Variants in CCSER2 observed in about 807,000 individuals in gnomAD.
CCSER2 encodes coiled-coil serine rich protein 2.
In CCSER2, 46 loss-of-function variants were observed where a neutral mutation model predicts 92.3. The ratio of observed to expected loss-of-function variants is 0.50; its 90% CI spans 0.39 to 0.64. CCSER2 has a LOEUF of 0.64. CCSER2 is among the 30% of genes least tolerant of loss of function. CCSER2 has a pLI of 0.00. For missense variants in CCSER2, 1,244 were observed against 1,238.9 expected (o/e 1.00, Z -0.06); for synonymous variants, 433 against 431.4 (o/e 1.00, Z -0.04).
chr10:84,473,525 T>C (rs1846943567), intron 8 of CCSER2, among the ~76,000 whole-genome samples: 1 of 152,172 alleles, frequency 6.6e-6, no homozygotes, highest in Non-Finnish European at 1.5e-5. Flanking sequence ...AGTATCCTTT[T>C]TATAGTAGAA....
chr10:84,411,310 A>G (rs920101597), intron 3 of CCSER2, among the ~76,000 whole-genome samples: 8 of 152,066 alleles, frequency 5.3e-5, no homozygotes, highest in African/African-American at 1.9e-4. Flanking sequence ...TATGAATTTT[A>G]AAATAGTTTT....
Position 84,459,804 on chromosome 10 carries a change from A to G in CCSER2, c.2065-4129A>G, listed in dbSNP as rs1227279697. 5.3e-5 allele frequency among the ~76,000 whole-genome samples: 8 copies of G among 152,224 alleles called. No individual in the cohort carries two copies. In the East Asian group the frequency reaches 1.5e-3, roughly 29 times the overall value. ...CACCCAAAGTACTGGGGTTACAGGC[A>G]TGAGCCACCATGCCTGGTGGGTTTT... On this transcript the variant is annotated intron_variant, in intron 6 of 9. Coordinates refer to ENST00000372088, the MANE Select transcript of CCSER2 (RefSeq NM_001284240.2).
intron 9 of CCSER2, among the ~76,000 whole-genome samples, chr10:84,505,575 A>G (rs1173103054): frequency 1.3e-5 from 2 of 152,242 alleles, no homozygotes; most frequent in African/African-American, 4.8e-5. Flanking sequence ...TTTGAATGAA[A>G]TGCAAACTAG....
Position 84,372,146 on chromosome 10 carries a change from A to C in CCSER2, c.1094A>C (p.Gln365Pro), listed in dbSNP as rs1846095795. The C allele has an allele frequency of 6.2e-7, 1 of 1,613,576 alleles. No homozygotes were observed. The highest frequency in any genetic ancestry group is 8.5e-7 in the Non-Finnish European group (1 of 1,179,782). Reference sequence around the variant, plus strand: ...AAGGACAGAGCTGCTAATAAGGACCAAGAACTGATTGAAAATGAAAGTTAT... The same window carrying C: ...AAGGACAGAGCTGCTAATAAGGACCCAGAACTGATTGAAAATGAAAGTTAT... ...LAKDRAANKD[Q>P]ELIENESYRT... Residue 365 changes from glutamine to proline, a missense_variant, in exon 2 of 10, where the codon CAA (glutamine) becomes CCA (proline). Transcript: ENST00000372088.
chr10:84,371,121 A>G lies in CCSER2; in HGVS notation c.69A>G (p.Val23=). 2 of 1,611,568 alleles carry G rather than the reference A, an allele frequency of 1.2e-6. No individual in the cohort carries two copies. Among genetic ancestry groups the G allele is most frequent in the Non-Finnish European group, 1.7e-6 (2 of 1,179,290 alleles). The change falls in exon 2 of 10, where the codon GTA becomes GTG. Residue 23 remains valine, a synonymous_variant. Coordinates refer to ENST00000372088, the MANE Select transcript of CCSER2 (RefSeq NM_001284240.2). ...TGCCAAAGTATGGAACAAAATCTGTAAGAAGTACATTGCAGCCAATGCCAA... is the reference window on the plus strand; with the variant it reads ...TGCCAAAGTATGGAACAAAATCTGTGAGAAGTACATTGCAGCCAATGCCAA... ...SKLPKYGTKS[V]RSTLQPMPNG...
chr10:84,460,025 G>GATCAA (rs1427859233), intron 6 of CCSER2, among the ~76,000 whole-genome samples: 1 of 151,428 alleles, frequency 6.6e-6, no homozygotes, highest in Non-Finnish European at 1.5e-5. Flanking sequence ...GCATTGGTGG[G>GATCAA]ATCAACCTCA....
intron 4 of CCSER2, among the ~76,000 whole-genome samples, chr10:84,421,958 C>G (rs1843174235): frequency 1.3e-5 from 2 of 152,244 alleles, no homozygotes; most frequent in East Asian, 3.9e-4. Context: ...TGTTCAGATT[C>G]TCTGTAGTAT....
intron 3 of CCSER2, among the ~76,000 whole-genome samples, chr10:84,397,580 A>G (rs1192049086): frequency 6.6e-6 from 1 of 150,640 alleles, no homozygotes; most frequent in Non-Finnish European, 1.5e-5. Flanking sequence ...TTTATTAAAT[A>G]TATATGTTAA....
chr10:84,472,070 C>T (rs879735598), intron 8 of CCSER2, among the ~76,000 whole-genome samples: 9 of 151,464 alleles, frequency 5.9e-5, no homozygotes, highest in East Asian at 3.9e-4. Flanking sequence ...AAAAAAAAGA[C>T]GAAGTAGAAA....
chr10:84,347,335 A>G (rs1844548066), intron 1 of CCSER2, among the ~76,000 whole-genome samples: 1 of 151,834 alleles, frequency 6.6e-6, no homozygotes, highest in Admixed American at 6.6e-5. Context: ...GGGGCTCCTC[A>G]CTTCCCAGAA....
chr10:84,401,970 C>G (rs1259503052), intron 3 of CCSER2, among the ~76,000 whole-genome samples: 1 of 152,190 alleles, frequency 6.6e-6, no homozygotes, highest in African/African-American at 2.4e-5. Context: ...TTCTCTTTCC[C>G]ACAGCTTGCA....
At chr10:84,348,321 A>G (rs11593292) in intron 1 of CCSER2, among the ~76,000 whole-genome samples, 31,763 of 152,194 alleles carry the variant, frequency 0.21, 3,585 homozygotes, top group Admixed American at 0.34. Context: ...GCGTGGCGGC[A>G]CGCGCCTGCA....
At chr10:84,454,230 A>G (rs1290918110) in intron 6 of CCSER2, among the ~76,000 whole-genome samples, 2 of 152,166 alleles carry the variant, frequency 1.3e-5, no homozygotes, top group East Asian at 3.9e-4. Context: ...CTCTACTTCC[A>G]TCTTCACATG....
intron 9 of CCSER2, among the ~76,000 whole-genome samples, chr10:84,510,509 A>G (rs1849294486): frequency 6.6e-6 from 1 of 152,200 alleles, no homozygotes; most frequent in African/African-American, 2.4e-5. Flanking sequence ...TACATAATAA[A>G]CATTTAAAAA....
intron 1 of CCSER2, among the ~76,000 whole-genome samples, chr10:84,357,929 T>C (rs1177127325): frequency 1.3e-5 from 2 of 152,218 alleles, no homozygotes; most frequent in Non-Finnish European, 2.9e-5. Flanking sequence ...AATGGTGTTA[T>C]GGAAAGCATA....
intron 3 of CCSER2, among the ~76,000 whole-genome samples, chr10:84,408,414 C>T (rs1429275586): frequency 6.6e-6 from 1 of 150,942 alleles, no homozygotes; most frequent in Non-Finnish European, 1.5e-5. Context: ...TCTTTTTTTC[C>T]TCTCTCTCCC....
chr10:84,338,829 CTG>C (rs1221901699), intron 1 of CCSER2, among the ~76,000 whole-genome samples: 1 of 152,134 alleles, frequency 6.6e-6, no homozygotes, highest in Non-Finnish European at 1.5e-5. Flanking sequence ...AATTCAGAAA[CTG>C]TGTTGAAAGC....
intron 3 of CCSER2, among the ~76,000 whole-genome samples, chr10:84,400,959 C>T (rs1281279658): frequency 1.3e-5 from 2 of 151,636 alleles, no homozygotes; most frequent in Non-Finnish European, 2.9e-5. Flanking sequence ...CCATGTCTCA[C>T]ACCTGTAATC....
Position 84,371,874 on chromosome 10 carries a change from C to A in CCSER2, c.822C>A (p.Ser274=). The change falls in exon 2 of 10, where the codon TCC becomes TCA. Residue 274 remains serine, a synonymous_variant. Transcript: ENST00000372088. ...PLRSSMLTRN[S]RQPEVLNGNE... ...GGTCAAGTATGCTAACAAGAAATTC[C>A]CGGCAGCCAGAAGTACTCAATGGGA... The A allele has an allele frequency of 6.2e-7, 1 of 1,613,784 alleles. No homozygotes were observed. Among genetic ancestry groups the A allele is most frequent in the Admixed American group, 1.7e-5 (1 of 59,980 alleles).
Sources: allele counts gnomAD v4.1 joint callset (sites outside exome capture counted in the v4.1 genomes callset), GRCh38; gene constraint gnomAD v4.1.1; transcripts MANE v1.5; gene names NCBI Gene and HGNC (gene_info 2026-07-23, HGNC 2026-07-21).